The following ITGB6 variants were observed in gnomAD, a reference collection of about 807,000 sequenced individuals.
ITGB6 encodes integrin beta-6.
In ITGB6, 80 loss-of-function variants were observed where a neutral mutation model predicts 84.5. The observed-to-expected ratio is 0.95, with a 90% CI of 0.79 to 1.14. The LOEUF (loss-of-function observed/expected upper bound fraction) is 1.14, where lower values mean the gene tolerates loss of function less well. Among genes scored for constraint, ITGB6 ranks in the 50% most tolerant of loss-of-function variants. The probability of loss-of-function intolerance (pLI) is 0.00; values close to 1 mark genes in which losing one functional copy is unlikely to be tolerated. For synonymous variants in ITGB6, 383 were observed against 354.9 expected (o/e 1.08, Z -0.89); for missense variants, 1,006 against 968.0 (o/e 1.04, Z -0.52).
chr2:160,104,590 A>G lies in ITGB6; in HGVS notation c.2269-2756T>C, dbSNP rs550143912. 7.9e-5 allele frequency among the ~76,000 whole-genome samples: 12 copies of G among 152,328 alleles called. No homozygotes were observed. The South Asian group carries it at 2.5e-3, about 32-fold the overall frequency. On this transcript the variant is annotated intron_variant, in intron 14 of 14. Coordinates refer to ENST00000283249, the MANE Select transcript of ITGB6 (RefSeq NM_000888.5). ...AAAGTGGTAATAGGAAAACTCTGTCATGACCCACAGCTTCCTTAATGATCG... is the reference window on the plus strand; with the variant it reads ...AAAGTGGTAATAGGAAAACTCTGTCGTGACCCACAGCTTCCTTAATGATCG...
At chr2:160,122,416 T>C (rs1462254441) in intron 12 of ITGB6, among the ~76,000 whole-genome samples, 4 of 152,202 alleles carry the variant, frequency 2.6e-5, no homozygotes, top group African/African-American at 9.6e-5. Context: ...ATTTCCCATG[T>C]TGCTAGTGAA....
In ITGB6 at chr2:160,138,231, T is replaced by C. The variant is rs769353998; in HGVS notation, c.1108-32A>G. On this transcript the variant is annotated intron_variant, in intron 8 of 14. Transcript: ENST00000283249. ...TTACAACATAAAGAGTTCAGTGAAG[T>C]CACAACCCCAAAAATATAGCCAGAA... is the stretch of plus-strand genomic sequence containing the variant. 1.9e-6 allele frequency: 3 copies of C among 1,546,714 alleles called. No individual in the cohort carries two copies. In the South Asian group the frequency reaches 3.8e-5, roughly 19 times the overall value.
At chr2:160,120,844 A>T (rs1683002326) in intron 12 of ITGB6, among the ~76,000 whole-genome samples, 1 of 146,220 alleles carries the variant, frequency 6.8e-6, no homozygotes, top group Admixed American at 6.9e-5. Context: ...TCTCACTCAT[A>T]GGTGGGAATT....
intron 14 of ITGB6, among the ~76,000 whole-genome samples, chr2:160,106,647 G>A (rs904272111): frequency 2.6e-5 from 4 of 152,144 alleles, no homozygotes; most frequent in African/African-American, 9.7e-5. Flanking sequence ...CATTTTTAAT[G>A]GGAAGATAAA....
chr2:160,115,797 C>T (rs577906117), intron 12 of ITGB6, among the ~76,000 whole-genome samples: 1 of 152,276 alleles, frequency 6.6e-6, no homozygotes, highest in East Asian at 1.9e-4. Context: ...CTAGAATAAT[C>T]AACGCAGAGA....
chr2:160,138,332 T>A, intron 8 of ITGB6, 133 bp from the exon 9 acceptor site: 2 of 789,874 alleles, frequency 2.5e-6, no homozygotes, highest in East Asian at 5.4e-5. Context: ...ATTCAGTATA[T>A]CATCAATCAA....
intron 7 of ITGB6, among the ~76,000 whole-genome samples, chr2:160,166,281 T>G (rs1207834269): frequency 6.6e-6 from 1 of 152,210 alleles, no homozygotes; most frequent in Non-Finnish European, 1.5e-5. Context: ...ACTTTCCAAT[T>G]GCTGTGTTTC....
intron 7 of ITGB6, 114 bp from the exon 8 acceptor site, chr2:160,142,185 G>T (rs916017781): frequency 4.8e-6 from 3 of 626,302 alleles, no homozygotes; most frequent in African/African-American, 3.8e-5. Flanking sequence ...GGGAAAACAG[G>T]TTCGTGATAA....
At chr2:160,169,991 A>G (rs755664321) in intron 6 of ITGB6, among the ~76,000 whole-genome samples, 99 of 152,222 alleles carry the variant, frequency 6.5e-4, no homozygotes, top group Non-Finnish European at 1.2e-3. Flanking sequence ...AAATTGGAAT[A>G]TGGACTTTAC....
chr2:160,132,755 C>T (rs972570898), intron 10 of ITGB6, among the ~76,000 whole-genome samples: 2 of 152,074 alleles, frequency 1.3e-5, no homozygotes, highest in Non-Finnish European at 1.5e-5. Flanking sequence ...AATGATTTTA[C>T]AATAGTCATA....
intron 11 of ITGB6, among the ~76,000 whole-genome samples, chr2:160,124,795 C>T (rs1486990157): frequency 6.6e-6 from 1 of 152,326 alleles, no homozygotes; most frequent in Non-Finnish European, 1.5e-5. Flanking sequence ...TTCACTAAAC[C>T]TTAGACCAAT....
At chr2:160,119,670 T>C (rs182298626) in intron 12 of ITGB6, among the ~76,000 whole-genome samples, 21,600 of 151,928 alleles carry the variant, frequency 0.14, 2,070 homozygotes, top group East Asian at 0.31. Context: ...ACAAATGGGA[T>C]CTAATTAAAC....
chr2:160,112,094 C>T lies in ITGB6; in HGVS notation c.2087G>A (p.Ser696Asn). 1 of 1,612,856 alleles carries T rather than the reference C, an allele frequency of 6.2e-7. No homozygotes were observed. ...TDNEGKTIIH[S>N]INEKDCPKPP... is the part of the protein sequence containing the mutation. ...AAAACACCCACCTTTTTCATTGATGCTGTGAATGATGGTTTTCCCCTCATT... is the reference window on the plus strand; with the variant it reads ...AAAACACCCACCTTTTTCATTGATGTTGTGAATGATGGTTTTCCCCTCATT... Residue 696 changes from serine to asparagine, a missense_variant, in exon 13 of 15, where the codon AGC becomes AAC. Ser to Asn is a conservative substitution (Grantham distance 46). Transcript: ENST00000283249.
Position 160,101,520 on chromosome 2 carries a change from A to G in ITGB6, c.*216T>C. ...CAACAGAGTTAGTATTCCTCAAATG[A>G]TCCCCAAAGTCATCTCTTTGCTAAG... On this transcript the variant is annotated 3_prime_UTR_variant, in exon 15 of 15. Transcript: ENST00000283249. 1 of 500,784 alleles carries G rather than the reference A, an allele frequency of 2.0e-6. No individual in the cohort carries two copies. The highest frequency in any genetic ancestry group is 2.6e-5 in the South Asian group (1 of 38,620). 31.0% of individuals were successfully genotyped at this position (500,784 alleles called of 1,614,324 possible).
chr2:160,109,208 C>A (rs548388347), intron 13 of ITGB6, among the ~76,000 whole-genome samples: 1 of 152,096 alleles, frequency 6.6e-6, no homozygotes, highest in East Asian at 1.9e-4. Flanking sequence ...GTTCTTTGGC[C>A]AAGAAACCAT....
At chr2:160,142,613 C>T (rs1684041038) in intron 7 of ITGB6, among the ~76,000 whole-genome samples, 1 of 152,174 alleles carries the variant, frequency 6.6e-6, no homozygotes, top group Non-Finnish European at 1.5e-5. Context: ...AATGAGCTCC[C>T]TTTCAGGATG....
intron 12 of ITGB6, among the ~76,000 whole-genome samples, chr2:160,112,414 T>C (rs1682575823): frequency 6.6e-6 from 1 of 152,152 alleles, no homozygotes; most frequent in Non-Finnish European, 1.5e-5. Context: ...CAATCAGGAC[T>C]GACCATCAAA....
At chr2:160,125,537 T>C (rs1184754592) in intron 11 of ITGB6, among the ~76,000 whole-genome samples, 4 of 152,232 alleles carry the variant, frequency 2.6e-5, no homozygotes. Context: ...CCAGTGACAG[T>C]GGCAGAGAAG....
At chr2:160,147,546 A>G (rs1196643440) in intron 7 of ITGB6, among the ~76,000 whole-genome samples, 1 of 152,244 alleles carries the variant, frequency 6.6e-6, no homozygotes. Flanking sequence ...AGATGAACAA[A>G]GTTGGAGGAT....
Sources: allele counts gnomAD v4.1 joint callset (sites outside exome capture counted in the v4.1 genomes callset), GRCh38; gene constraint gnomAD v4.1.1; transcripts MANE v1.5; gene names NCBI Gene and HGNC (gene_info 2026-07-23, HGNC 2026-07-21).